The following C6orf118 variants were observed in gnomAD, a reference collection of about 807,000 sequenced individuals.
C6orf118 encodes the protein chromosome 6 open reading frame 118, also known as uncharacterized protein C6orf118.
In C6orf118, 50 loss-of-function variants were observed where a neutral mutation model predicts 50.2. The ratio of observed to expected loss-of-function variants is 1.00; its 90% CI spans 0.79 to 1.26. The LOEUF (loss-of-function observed/expected upper bound fraction) is 1.26, where lower values mean the gene tolerates loss of function less well. C6orf118 is among the 50% of genes most tolerant of loss of function. The probability of loss-of-function intolerance (pLI) is 0.00; values close to 1 mark genes in which losing one functional copy is unlikely to be tolerated. For synonymous variants in C6orf118, 239 were observed against 230.9 expected (o/e 1.03, Z -0.32); for missense variants, 641 against 578.7 (o/e 1.11, Z -1.10).
At chr6:165,296,254 T>TG (rs1780299891) in intron 5 of C6orf118, among the ~76,000 whole-genome samples, 1 of 61,996 alleles carries the variant, frequency 1.6e-5, no homozygotes, top group East Asian at 3.3e-4. Context: ...TTTTTTGTTT[T>TG]TTTTTTTTTT....
intron 1 of C6orf118, among the ~76,000 whole-genome samples, chr6:165,308,856 T>C (rs646444): frequency 0.54 from 82,236 of 152,066 alleles, 22,739 homozygotes; most frequent in African/African-American, 0.64. Context: ...TGCATTCTGA[T>C]ATCACACAAT....
intron 1 of C6orf118, among the ~76,000 whole-genome samples, chr6:165,305,151 C>A (rs1222437604): frequency 1.8e-5 from 1 of 55,144 alleles, no homozygotes; most frequent in Non-Finnish European, 2.9e-5. Flanking sequence ...CAGAACAGAG[C>A]CCTCAGAAAT....
chr6:165,293,267 G>A (rs1215205987), intron 6 of C6orf118, 146 bp downstream of exon 6: 6 of 790,214 alleles, frequency 7.6e-6, no homozygotes, highest in Non-Finnish European at 1.4e-5. Context: ...GGGTGATGTG[G>A]GTGAATATGT....
chr6:165,297,469 C>T (rs1268339484), intron 5 of C6orf118, among the ~76,000 whole-genome samples: 1 of 150,146 alleles, frequency 6.7e-6, no homozygotes. Flanking sequence ...CTTCTGGTTA[C>T]ACTAGAAGCC....
At chr6:165,308,271 G>A (rs912770551) in intron 1 of C6orf118, among the ~76,000 whole-genome samples, 6 of 152,148 alleles carry the variant, frequency 3.9e-5, no homozygotes, top group African/African-American at 2.4e-5. Context: ...GATGGTCAGG[G>A]CTCTAATCTA....
rs777422765 is a variant in C6orf118, at chr6:165,301,590, G to C, written c.732C>G (p.Gly244=). ...TCACCTGCTGCAGCTTTCTCTCGTG[G>C]CCCGCGGCCGCCTTGCTCCCAGTGA... ...NDFTGSKAAA[G]HERKLQQELQ... Residue 244 remains glycine (G), a synonymous_variant, in exon 2 of 9, where the codon GGC becomes GGG. Coordinates refer to ENST00000230301, the MANE Select transcript of C6orf118 (RefSeq NM_144980.4). The C allele has an allele frequency of 3.8e-5, 62 of 1,612,960 alleles. No homozygotes were observed. In the East Asian group the frequency reaches 1.4e-3, roughly 36 times the overall value.
chr6:165,288,901 A>T (rs185666669), intron 7 of C6orf118, among the ~76,000 whole-genome samples: 235 of 152,278 alleles, frequency 1.5e-3, no homozygotes, highest in African/African-American at 5.5e-3. Flanking sequence ...CCTGTGTAAC[A>T]AACCTCCACA....
chr6:165,286,268 A>T (rs938128106), intron 7 of C6orf118, among the ~76,000 whole-genome samples: 2 of 152,188 alleles, frequency 1.3e-5, no homozygotes, highest in African/African-American at 4.8e-5. Flanking sequence ...TGAGTTCTGA[A>T]ATTGAAGCAG....
At chr6:165,290,635 G>A (rs1160109659) in intron 6 of C6orf118, among the ~76,000 whole-genome samples, 3 of 152,130 alleles carry the variant, frequency 2.0e-5, no homozygotes, top group South Asian at 2.1e-4. Context: ...TTAAGAAATC[G>A]GTCAAAGATG....
intron 1 of C6orf118, 90 bp downstream of exon 1, chr6:165,309,472 A>G (rs1306398504): frequency 6.7e-6 from 10 of 1,501,318 alleles, no homozygotes; most frequent in Non-Finnish European, 9.3e-6. Context: ...AGATTTTCAC[A>G]TTTCAAATCA....
chr6:165,290,914 C>T (rs551458311), intron 6 of C6orf118, among the ~76,000 whole-genome samples: 1 of 152,270 alleles, frequency 6.6e-6, no homozygotes, highest in East Asian at 1.9e-4. Context: ...GGAAGCCTCA[C>T]AATCATGGCA....
chr6:165,282,661 T>TTTTTC (rs56307302), intron 7 of C6orf118, among the ~76,000 whole-genome samples: 2 of 151,296 alleles, frequency 1.3e-5, no homozygotes, highest in Non-Finnish European at 3.0e-5. Context: ...TTTTTTTTTT[T>TTTTTC]CCTGGTTGGA....
chr6:165,285,392 T>C (rs1779867007), intron 7 of C6orf118, among the ~76,000 whole-genome samples: 2 of 152,036 alleles, frequency 1.3e-5, no homozygotes. Flanking sequence ...AAACAGATCA[T>C]AGAGACAGAA....
At chr6:165,285,193 C>T (rs986818254) in intron 7 of C6orf118, among the ~76,000 whole-genome samples, 1 of 151,992 alleles carries the variant, frequency 6.6e-6, no homozygotes, top group South Asian at 2.1e-4. Context: ...CACTTTAAAC[C>T]AACAAAGATA....
chr6:165,298,003 T>A lies in C6orf118; in HGVS notation c.1035A>T (p.Thr345=). 1 of 1,614,046 alleles carries A rather than the reference T, an allele frequency of 6.2e-7. No homozygotes were observed. Among genetic ancestry groups the A allele is most frequent in the Non-Finnish European group, 8.5e-7 (1 of 1,180,036 alleles). The change falls in exon 5 of 9, where the codon ACA becomes ACT. Residue 345 remains threonine (T), a synonymous_variant. Coordinates refer to ENST00000230301, the MANE Select transcript of C6orf118 (RefSeq NM_144980.4). ...TATCATTCTGCTCCAGGGCTGCTTT[T>A]GTGGCTGTCACGAGCATCCTCAGCT... The part of the protein sequence containing the change: ...REELRMLVTA[T]KAALEQNDRL...
In C6orf118 at chr6:165,303,085, ACT is replaced by A. The variant is rs576116957; in HGVS notation, c.26-791_26-790del. Among the ~76,000 whole-genome samples, 3 of 152,308 alleles carry A rather than the reference ACT, an allele frequency of 2.0e-5. No individual in the cohort carries two copies. In the South Asian group the frequency reaches 6.2e-4, roughly 32 times the overall value. ...AAGAAGGAGAGTTTCTTTCTGGGAC[ACT>A]GTGTACTGTGATGGCCAAAGGGCAG... On this transcript the variant is annotated intron_variant, in intron 1 of 8. Transcript: ENST00000230301.
At chr6:165,283,406 T>A (rs944735867) in intron 7 of C6orf118, among the ~76,000 whole-genome samples, 1 of 152,174 alleles carries the variant, frequency 6.6e-6, no homozygotes, top group African/African-American at 2.4e-5. Flanking sequence ...AGACAGAATG[T>A]CTGCTGGCTC....
intron 7 of C6orf118, among the ~76,000 whole-genome samples, chr6:165,289,680 AT>A (rs899586945): frequency 1.3e-5 from 2 of 152,070 alleles, no homozygotes; most frequent in Non-Finnish European, 2.9e-5. Context: ...AATCTATAGA[AT>A]TTTTTTATCA....
At chr6:165,302,466 C>T (rs1362042109) in intron 1 of C6orf118, among the ~76,000 whole-genome samples, 170 bp from the exon 2 acceptor site, 1 of 152,142 alleles carries the variant, frequency 6.6e-6, no homozygotes, top group Non-Finnish European at 1.5e-5. Context: ...CGTGCCCGGC[C>T]CAGTGTGCTG....
Sources: gnomAD v4.1 joint callset for allele counts (sites outside exome capture counted in the v4.1 genomes callset) on GRCh38, gnomAD v4.1.1 for gene constraint, MANE v1.5 for transcripts, NCBI Gene and HGNC (gene_info 2026-07-23, HGNC 2026-07-21) for gene names.